The following PTPRE variants were observed in gnomAD, a reference collection of about 807,000 sequenced individuals.
The protein encoded by PTPRE is protein tyrosine phosphatase receptor type E.
In PTPRE, 51 loss-of-function variants were observed where a neutral mutation model predicts 102.0. The observed-to-expected ratio is 0.50, with a 90% CI of 0.40 to 0.63. PTPRE has a LOEUF of 0.63. Ranked by LOEUF, PTPRE falls within the 30% of genes least tolerant of loss-of-function variation. The pLI is 0.00. For missense variants in PTPRE, 752 were observed against 915.1 expected (o/e 0.82, Z 2.30); for synonymous variants, 345 against 348.2 (o/e 0.99, Z 0.10).
intron 2 of PTPRE, among the ~76,000 whole-genome samples, chr10:128,029,536 C>A (rs1360657998): frequency 6.6e-6 from 1 of 152,192 alleles, no homozygotes; most frequent in Non-Finnish European, 1.5e-5. Flanking sequence ...AGAACCGAGT[C>A]AGGATGCCCA....
intron 12 of PTPRE, chr10:128,069,344 G>A (rs1474673352): frequency 4.9e-6 from 1 of 205,274 alleles, no homozygotes; most frequent in Non-Finnish European, 9.7e-6. Flanking sequence ...TTGATCTGAG[G>A]TCCCTCTGCT....
intron 3 of PTPRE, among the ~76,000 whole-genome samples, chr10:128,042,267 C>A (rs540598406): frequency 3.9e-5 from 6 of 152,216 alleles, no homozygotes; most frequent in Non-Finnish European, 8.8e-5. Context: ...CATCCGTTTG[C>A]GCAACAGTGG....
rs559177252 is a variant in PTPRE at position 127,992,150 on chromosome 10, G to A, written c.-8+9854G>A. On this transcript the variant is annotated intron_variant, in intron 2 of 20. Transcript: ENST00000254667. ...TGGCAGGAGGGGTGCAGATCAGAGG[G>A]GTGAGAAAGGGAGGCTGGAGGGGCA... 6.6e-5 allele frequency among the ~76,000 whole-genome samples: 10 copies of A among 152,242 alleles called. No individual in the cohort carries two copies. In the East Asian group the frequency reaches 1.9e-3, roughly 29 times the overall value.
Position 127,944,918 on chromosome 10 carries a change from G to C in PTPRE, c.-30-37356G>C, listed in dbSNP as rs907081975. Reference sequence around the variant, plus strand: ...TGTTCTTTAGATGTGTGGGGAAAAAGAGGGCGGCATCTAGAGTGACCCCCA... The same window carrying C: ...TGTTCTTTAGATGTGTGGGGAAAAACAGGGCGGCATCTAGAGTGACCCCCA... On this transcript the variant is annotated intron_variant, in intron 1 of 20. Coordinates refer to ENST00000254667, the MANE Select transcript of PTPRE (RefSeq NM_006504.6). This position sits in a 1 kb window ranked among gnomAD's most constrained non-coding sequence, Gnocchi z 4.2. 6.6e-6 allele frequency among the ~76,000 whole-genome samples: 1 copy of C among 152,200 alleles called. No homozygotes were observed. Among genetic ancestry groups the C allele is most frequent in the Non-Finnish European group, 1.5e-5 (1 of 68,040 alleles).
chr10:127,958,798 C>T (rs1849580793), intron 1 of PTPRE, among the ~76,000 whole-genome samples: 1 of 152,026 alleles, frequency 6.6e-6, no homozygotes, highest in South Asian at 2.1e-4. Context: ...GTAGAATTCA[C>T]CAGTGACTCA....
intron 2 of PTPRE, among the ~76,000 whole-genome samples, chr10:128,024,547 G>C (rs1274773395): frequency 1.3e-5 from 2 of 152,144 alleles, no homozygotes; most frequent in Non-Finnish European, 2.9e-5. Flanking sequence ...TTGGAATTAC[G>C]CAAATTAGAG....
In PTPRE at chr10:127,919,939, A is replaced by G. The variant is rs148957796; in HGVS notation, c.-31+12630A>G. On this transcript the variant is annotated intron_variant, in intron 1 of 20. Transcript: ENST00000254667. ...AGTGGATTTTTTTTTTTTCCTTTTC[A>G]GTGTAGTAGTAATTTGTAAATGCTT... is the stretch of plus-strand genomic sequence containing the variant. Among the ~76,000 whole-genome samples the G allele has an allele frequency of 7.3e-5, 11 of 149,996 alleles. No homozygotes were observed. The East Asian group carries it at 2.2e-3, about 29-fold the overall frequency.
chr10:127,950,303 T>C (rs578033032), intron 1 of PTPRE, among the ~76,000 whole-genome samples: 1 of 152,128 alleles, frequency 6.6e-6, no homozygotes, highest in East Asian at 1.9e-4. Flanking sequence ...GCGCAGGGAA[T>C]TTGGGGAGGG....
chr10:127,927,250 A>G (rs1246359864), intron 1 of PTPRE, among the ~76,000 whole-genome samples: 5 of 152,048 alleles, frequency 3.3e-5, no homozygotes, highest in East Asian at 3.9e-4. Context: ...ACAGTAGCGT[A>G]TTTCTCCATA....
chr10:127,971,554 T>C (rs146348476), intron 1 of PTPRE, among the ~76,000 whole-genome samples: 3 of 152,306 alleles, frequency 2.0e-5, no homozygotes, highest in African/African-American at 7.2e-5. Flanking sequence ...TCCTCGCAGG[T>C]ACTAGCGCAT....
chr10:128,065,191 T>G (rs978944159), intron 10 of PTPRE, among the ~76,000 whole-genome samples: 14 of 152,228 alleles, frequency 9.2e-5, no homozygotes, highest in African/African-American at 3.4e-4. Context: ...TGCTCTCTAC[T>G]AAATACCAGA....
intron 1 of PTPRE, among the ~76,000 whole-genome samples, chr10:127,918,119 A>G (rs71474232): frequency 0.16 from 24,489 of 152,084 alleles, 2,210 homozygotes; most frequent in African/African-American, 0.24. Flanking sequence ...AAAGTAGGTG[A>G]GAATGATCTC....
At chr10:127,988,774 G>C (rs1454826618) in intron 2 of PTPRE, among the ~76,000 whole-genome samples, 1 of 152,192 alleles carries the variant, frequency 6.6e-6, no homozygotes, top group Non-Finnish European at 1.5e-5. Flanking sequence ...TCAAAGCCCA[G>C]CATTGTGCAA....
chr10:128,036,700 C>T (rs553251183), intron 2 of PTPRE, among the ~76,000 whole-genome samples: 8 of 152,270 alleles, frequency 5.3e-5, no homozygotes, highest in African/African-American at 1.7e-4. Context: ...GCCAGGGACC[C>T]TACCTTTGAA....
At chr10:127,962,306 C>T (rs565942037) in intron 1 of PTPRE, among the ~76,000 whole-genome samples, 4 of 152,276 alleles carry the variant, frequency 2.6e-5, no homozygotes, top group Admixed American at 6.5e-5. Flanking sequence ...CATGTGAGTG[C>T]GGCACATGCC....
chr10:128,001,201 T>A (rs1853849147), intron 2 of PTPRE, among the ~76,000 whole-genome samples: 1 of 151,920 alleles, frequency 6.6e-6, no homozygotes, highest in Admixed American at 6.6e-5. Context: ...GATCTGAGTG[T>A]GTGTGTGTGT....
chr10:128,082,859 G>A lies in PTPRE; in HGVS notation c.2056G>A (p.Val686Ile), dbSNP rs1851842271. 1 of 1,554,998 alleles carries A rather than the reference G, an allele frequency of 6.4e-7. No individual in the cohort carries two copies. Among genetic ancestry groups the A allele is most frequent in the African/African-American group, 1.4e-5 (1 of 71,298 alleles). Residue 686 changes from valine (V) to isoleucine (I), a missense_variant, in exon 21 of 21, where the codon GTA becomes ATA. By Grantham distance (29) the Val-to-Ile change is conservative (BLOSUM62 3). Transcript: ENST00000254667. ...LEQYEFCYKV[V>I]QDFIDIFSDY... Reference sequence around the variant, plus strand: ...ACAGTATGAATTCTGCTACAAAGTGGTACAAGATTTTATTGATATATTTTC... The same window carrying A: ...ACAGTATGAATTCTGCTACAAAGTGATACAAGATTTTATTGATATATTTTC...
intron 1 of PTPRE, among the ~76,000 whole-genome samples, chr10:127,925,999 T>C (rs567413383): frequency 6.6e-4 from 100 of 152,374 alleles, no homozygotes; most frequent in African/African-American, 2.4e-3. Context: ...GTGCTTTATA[T>C]ACACTGGGTA....
At chr10:127,961,125 G>A (rs1044941561) in intron 1 of PTPRE, among the ~76,000 whole-genome samples, 7 of 152,130 alleles carry the variant, frequency 4.6e-5, no homozygotes, top group East Asian at 1.9e-4. Context: ...GGGCAGAGCC[G>A]GGGCTTTGCG....
Sources: allele counts gnomAD v4.1 joint callset (sites outside exome capture counted in the v4.1 genomes callset), GRCh38; gene constraint gnomAD v4.1.1; non-coding constraint Gnocchi (gnomAD v3.1); transcripts MANE v1.5; gene names NCBI Gene and HGNC (gene_info 2026-07-23, HGNC 2026-07-21).